PARP8: variants seen among roughly 807,000 people sequenced by gnomAD.
PARP8 encodes the protein protein mono-ADP-ribosyltransferase PARP8.
A neutral mutation model predicts 124.1 loss-of-function variants in PARP8; 51 were observed. That is an observed-to-expected ratio of 0.41 (90% CI 0.33 to 0.52). The LOEUF is 0.52. Among genes scored for constraint, PARP8 ranks in the 20% least tolerant of loss-of-function variants. The pLI is 0.21. For synonymous variants in PARP8, 391 were observed against 361.5 expected, an observed-to-expected ratio of 1.08 and a Z score of -0.93; for missense variants, 860 against 1,018.9, an observed-to-expected ratio of 0.84 and a Z score of 2.12.
chr5:50,820,158 G>A (rs938351651), intron 15 of PARP8, among the ~76,000 whole-genome samples: 3 of 152,100 alleles, frequency 2.0e-5, no homozygotes, highest in African/African-American at 7.2e-5. Context: ...GGGTGGGTGT[G>A]TTTTGTGAGT....
intron 2 of PARP8, among the ~76,000 whole-genome samples, chr5:50,747,044 TAAATGGAAAAAA>T: frequency 6.6e-6 from 1 of 151,896 alleles, no homozygotes; most frequent in South Asian, 2.1e-4. Flanking sequence ...AAATTTTTTT[TAAATGGAAAAAA>T]TTTGCTTTAT....
chr5:50,726,845 T>C (rs549739361), intron 2 of PARP8, among the ~76,000 whole-genome samples: 10 of 152,056 alleles, frequency 6.6e-5, no homozygotes, highest in Non-Finnish European at 1.3e-4. Flanking sequence ...CTTTATTTGG[T>C]AGGTTGGGTG....
chr5:50,715,893 G>A (rs1228718378), intron 2 of PARP8, among the ~76,000 whole-genome samples: 1 of 151,988 alleles, frequency 6.6e-6, no homozygotes, highest in Non-Finnish European at 1.5e-5. Flanking sequence ...TACATAATGG[G>A]TAAAGATAAG....
rs1295085487 is a variant in PARP8, at chr5:50,842,703, G to A, written c.*635G>A. On this transcript the variant is annotated 3_prime_UTR_variant, in exon 26 of 26. Transcript: ENST00000281631. ...TTCACACGTATGTTTTGACAAGAAA[G>A]ATGGCTTAGCTTCACAATTCTATCC... The A allele has an allele frequency of 6.6e-6, 1 of 151,700 alleles. No homozygotes were observed. The highest frequency in any genetic ancestry group is 1.5e-5 in the Non-Finnish European group (1 of 67,736). The allele number at this position is 151,700 out of a possible 1,614,324, so 9.4% of individuals were successfully genotyped here.
rs1311917899 is a variant in PARP8 at position 50,844,933 on chromosome 5, T to G, written c.*2865T>G. ...TGTCTTCGAGTGCACTATGTTGGAA[T>G]AAATTTTATACTTGTTGCTTAGTAA... On this transcript the variant is annotated 3_prime_UTR_variant, in exon 26 of 26. Coordinates refer to ENST00000281631, the MANE Select transcript of PARP8 (RefSeq NM_024615.4). 11 of 151,584 alleles carry G rather than the reference T, an allele frequency of 7.3e-5. No homozygotes were observed. The highest frequency in any genetic ancestry group is 1.6e-4 in the Non-Finnish European group (11 of 67,718). 9.4% of individuals were successfully genotyped at this position (151,584 alleles called of 1,614,324 possible).
chr5:50,741,563 C>T (rs1170297714), intron 2 of PARP8, among the ~76,000 whole-genome samples: 5 of 152,100 alleles, frequency 3.3e-5, no homozygotes, highest in South Asian at 2.1e-4. Flanking sequence ...AATATTTAAG[C>T]GTAGAAGTTG....
chr5:50,819,841 G>A (rs1745562134), intron 15 of PARP8, among the ~76,000 whole-genome samples: 1 of 152,116 alleles, frequency 6.6e-6, no homozygotes, highest in African/African-American at 2.4e-5. Flanking sequence ...CAGGGTTAAT[G>A]TGCATCTCTA....
At chr5:50,832,119 C>G (rs1373262764) in intron 22 of PARP8, among the ~76,000 whole-genome samples, 1 of 152,104 alleles carries the variant, frequency 6.6e-6, no homozygotes, top group African/African-American at 2.4e-5. Flanking sequence ...CTCATTAAGC[C>G]ATTTGCTGAA....
At chr5:50,805,545 A>G (rs1346603297) in intron 14 of PARP8, among the ~76,000 whole-genome samples, 1 of 152,082 alleles carries the variant, frequency 6.6e-6, no homozygotes, top group Non-Finnish European at 1.5e-5. Context: ...CATTTAATTT[A>G]ATATTTGATA....
intron 18 of PARP8, 129 bp downstream of exon 18, chr5:50,825,104 T>C (rs1022796224): frequency 2.3e-5 from 17 of 738,614 alleles, no homozygotes; most frequent in Non-Finnish European, 3.7e-5. Context: ...TCTACAAGCT[T>C]ATGAGACCTG....
At chr5:50,769,364 C>G (rs1424440361) in intron 7 of PARP8, among the ~76,000 whole-genome samples, 7 of 151,378 alleles carry the variant, frequency 4.6e-5, no homozygotes, top group Admixed American at 4.6e-4. Context: ...AGTTGTTTCC[C>G]TCCCATAAAA....
intron 2 of PARP8, among the ~76,000 whole-genome samples, chr5:50,706,355 C>T (rs6872496): frequency 0.89 from 135,714 of 151,970 alleles, 60,635 homozygotes; most frequent in East Asian, 0.96. Flanking sequence ...TTTCAGATGG[C>T]TGGTTTTTGG....
At chr5:50,827,561 T>C (rs535691432) in intron 19 of PARP8, among the ~76,000 whole-genome samples, 1 of 152,242 alleles carries the variant, frequency 6.6e-6, no homozygotes, top group Non-Finnish European at 1.5e-5. Context: ...AACTCCAGAA[T>C]ATTTCCCCAA....
chr5:50,709,478 A>AT (rs759613751), intron 2 of PARP8, among the ~76,000 whole-genome samples: 173 of 150,356 alleles, frequency 1.2e-3, no homozygotes, highest in East Asian at 7.9e-3. Context: ...TCCAAGTGTC[A>AT]TTTTTTTTTA....
intron 3 of PARP8, among the ~76,000 whole-genome samples, chr5:50,754,535 G>A (rs1456264077): frequency 2.6e-5 from 4 of 151,732 alleles, no homozygotes; most frequent in East Asian, 1.9e-4. Context: ...ATGGCTGCAT[G>A]GTATTCCATG....
At chr5:50,722,044 C>G (rs2149504595) in intron 2 of PARP8, among the ~76,000 whole-genome samples, 1 of 152,106 alleles carries the variant, frequency 6.6e-6, no homozygotes, top group African/African-American at 2.4e-5. Context: ...AAGCTGTTCC[C>G]TTTTTTGTGT....
At chr5:50,816,932 C>T (rs1745172601) in intron 15 of PARP8, among the ~76,000 whole-genome samples, 1 of 151,890 alleles carries the variant, frequency 6.6e-6, no homozygotes, top group African/African-American at 2.4e-5. Flanking sequence ...GTATTTATAG[C>T]TATGTAAAAA....
At chr5:50,781,474 A>G (rs539067667) in intron 9 of PARP8, among the ~76,000 whole-genome samples, 1 of 152,308 alleles carries the variant, frequency 6.6e-6, no homozygotes, top group South Asian at 2.1e-4. Flanking sequence ...AGAAGAGGAA[A>G]GAAAGAGAAT....
intron 2 of PARP8, among the ~76,000 whole-genome samples, chr5:50,710,031 T>C (rs891548452): frequency 3.3e-5 from 5 of 150,340 alleles, no homozygotes; most frequent in Non-Finnish European, 7.4e-5. Flanking sequence ...TATATATGTA[T>C]GTTTGAGATG....
Sources: allele counts gnomAD v4.1 joint callset (sites outside exome capture counted in the v4.1 genomes callset), GRCh38; gene constraint gnomAD v4.1.1; transcripts MANE v1.5; gene names NCBI Gene and HGNC (gene_info 2026-07-23, HGNC 2026-07-21).